NOVA1: variants seen among roughly 807,000 people sequenced by gnomAD.
NOVA1 encodes the protein RNA-binding protein Nova-1.
A neutral mutation model predicts 38.0 loss-of-function variants in NOVA1; 7 were observed. The ratio of observed to expected loss-of-function variants is 0.18; its 90% CI spans 0.10 to 0.35. The LOEUF (loss-of-function observed/expected upper bound fraction) is 0.35, where lower values mean the gene tolerates loss of function less well. Ranked by LOEUF, NOVA1 falls within the 10% of genes least tolerant of loss-of-function variation. NOVA1 has a pLI of 1.00. For missense variants in NOVA1, 460 were observed against 616.0 expected (o/e 0.75, Z 2.68); for synonymous variants, 270 against 232.5 (o/e 1.16, Z -1.47).
At chr14:26,487,840 C>T (rs75757524) in intron 2 of NOVA1, among the ~76,000 whole-genome samples, 1 of 152,016 alleles carries the variant, frequency 6.6e-6, no homozygotes, top group African/African-American at 2.4e-5. Context: ...AACAGACCAC[C>T]ACAGGAGATG....
At chr14:26,496,992 C>G (rs1031876110) in intron 2 of NOVA1, among the ~76,000 whole-genome samples, 2 of 152,060 alleles carry the variant, frequency 1.3e-5, no homozygotes, top group African/African-American at 4.8e-5. Context: ...TTTTTGGTTC[C>G]AAATGAACTT....
At chr14:26,577,018 C>T (rs1892896966) in intron 2 of NOVA1, among the ~76,000 whole-genome samples, 1 of 151,930 alleles carries the variant, frequency 6.6e-6, no homozygotes, top group South Asian at 2.1e-4. Flanking sequence ...CATTTCCCCT[C>T]CCCACCCTGG....
At chr14:26,583,871 A>G (rs559279530) in intron 2 of NOVA1, among the ~76,000 whole-genome samples, 1 of 117,008 alleles carries the variant, frequency 8.5e-6, no homozygotes, top group South Asian at 3.2e-4. Flanking sequence ...GCGTTTGAAC[A>G]GCATCAAATT....
chr14:26,549,786 G>A (rs1313463175), intron 2 of NOVA1: 2 of 1,281,116 alleles, frequency 1.6e-6, no homozygotes, highest in Non-Finnish European at 2.0e-6. Context: ...CAGCACCTAG[G>A]GGAAAGTGCG....
intron 4 of NOVA1, among the ~76,000 whole-genome samples, chr14:26,454,663 C>T (rs1389884465): frequency 1.3e-5 from 2 of 152,016 alleles, no homozygotes; most frequent in African/African-American, 4.8e-5. Context: ...CCAAAAAGTA[C>T]CTTTGAAAAT....
At position 26,595,403 on chromosome 14, in the gene NOVA1, C is replaced by T. The variant is rs752274989; in HGVS notation, c.280+7G>A. The T allele has an allele frequency of 1.3e-5, 21 of 1,612,928 alleles. No individual in the cohort carries two copies. Among genetic ancestry groups the T allele is most frequent in the Non-Finnish European group, 1.2e-5 (14 of 1,179,484 alleles). ...TCATCAAACAATCTCTTCACCATTGCACCTACCTGGGTAAAAATCTTTGGA... is the reference window on the plus strand; with the variant it reads ...TCATCAAACAATCTCTTCACCATTGTACCTACCTGGGTAAAAATCTTTGGA... On this transcript the variant is annotated splice_region_variant and intron_variant, in intron 2 of 4. Transcript: ENST00000539517.
At chr14:26,549,407 T>C (rs555937245) in intron 2 of NOVA1, 1 of 151,994 alleles carries the variant, frequency 6.6e-6, no homozygotes, top group East Asian at 1.9e-4. Flanking sequence ...TACTTAAAAA[T>C]ATTTAAAAAC....
chr14:26,594,608 T>A (rs1894062848), intron 2 of NOVA1: 1 of 152,064 alleles, frequency 6.6e-6, no homozygotes, highest in African/African-American at 2.4e-5. Flanking sequence ...TTACAGAGAC[T>A]TTTCCCTTAA....
At chr14:26,457,670 ACTT>A (rs950510632) in intron 4 of NOVA1, among the ~76,000 whole-genome samples, 1 of 152,090 alleles carries the variant, frequency 6.6e-6, no homozygotes, top group Non-Finnish European at 1.5e-5. Context: ...ACTACACTAT[ACTT>A]CTTATCATTA....
At chr14:26,491,551 T>C (rs1040923044) in intron 2 of NOVA1, among the ~76,000 whole-genome samples, 1 of 152,174 alleles carries the variant, frequency 6.6e-6, no homozygotes, top group Non-Finnish European at 1.5e-5. Context: ...ATTTCTACAT[T>C]TCCTTCTACA....
chr14:26,594,760 C>T (rs76152210), intron 2 of NOVA1, among the ~76,000 whole-genome samples: 11,377 of 105,836 alleles, frequency 0.11, 446 homozygotes, highest in Middle Eastern at 0.16. Context: ...TCCCATATTC[C>T]AGTAGGTTAC....
intron 2 of NOVA1, among the ~76,000 whole-genome samples, chr14:26,495,228 C>A (rs1161709215): frequency 6.6e-6 from 1 of 152,102 alleles, no homozygotes; most frequent in Non-Finnish European, 1.5e-5. Context: ...ACTTTCTTAA[C>A]AGCCATAAAC....
chr14:26,586,828 C>A (rs1291503488), intron 2 of NOVA1, among the ~76,000 whole-genome samples: 1 of 150,488 alleles, frequency 6.6e-6, no homozygotes, highest in East Asian at 1.9e-4. Flanking sequence ...CAAAGAGCAT[C>A]CTGCCTATGT....
intron 2 of NOVA1, among the ~76,000 whole-genome samples, chr14:26,586,915 T>G (rs1406217538): frequency 1.3e-5 from 2 of 150,644 alleles, no homozygotes; most frequent in South Asian, 2.1e-4. Flanking sequence ...TCAGTTTTTT[T>G]TTTTTTTTTA....
chr14:26,517,342 C>T (rs531385145), intron 2 of NOVA1, among the ~76,000 whole-genome samples: 2 of 152,258 alleles, frequency 1.3e-5, no homozygotes, highest in South Asian at 2.1e-4. Context: ...TACCGCTCCT[C>T]GGACAGGCCT....
chr14:26,567,158 T>G, intron 2 of NOVA1, among the ~76,000 whole-genome samples: 1 of 152,162 alleles, frequency 6.6e-6, no homozygotes, highest in East Asian at 1.9e-4. Context: ...TACTTTGGGT[T>G]TAAATTTTTA....
chr14:26,524,753 G>A (rs1266114563), intron 2 of NOVA1, among the ~76,000 whole-genome samples: 5 of 152,064 alleles, frequency 3.3e-5, no homozygotes, highest in South Asian at 2.1e-4. Flanking sequence ...TTCCATATAT[G>A]GTAGAGTCAA....
intron 2 of NOVA1, among the ~76,000 whole-genome samples, chr14:26,538,242 A>G (rs1890239721): frequency 6.6e-6 from 1 of 152,192 alleles, no homozygotes; most frequent in African/African-American, 2.4e-5. Flanking sequence ...TACACACATT[A>G]AAATTTGAAT....
At chr14:26,484,523 C>A (rs1384048326) in intron 2 of NOVA1, among the ~76,000 whole-genome samples, 2 of 144,960 alleles carry the variant, frequency 1.4e-5, no homozygotes, top group African/African-American at 5.1e-5. Context: ...TTTAAAAAAT[C>A]TCATTGACCT....
Sources: gnomAD v4.1 joint callset for allele counts (sites outside exome capture counted in the v4.1 genomes callset) on GRCh38, gnomAD v4.1.1 for gene constraint, MANE v1.5 for transcripts, NCBI Gene and HGNC (gene_info 2026-07-23, HGNC 2026-07-21) for gene names.